CELF4: variants seen among roughly 807,000 people sequenced by gnomAD.
CELF4 encodes CUGBP Elav-like family member 4, also known as CUG-BP- and ETR-3-like factor 4.
A neutral mutation model predicts 59.9 loss-of-function variants in CELF4; 18 were observed. The observed-to-expected ratio is 0.30, with a 90% CI of 0.21 to 0.45. CELF4 has a LOEUF of 0.45. Ranked by LOEUF, CELF4 falls within the 20% of genes least tolerant of loss-of-function variation. The pLI, the probability that CELF4 is intolerant of heterozygous loss-of-function variation, is 1.00. For synonymous variants in CELF4, 261 were observed against 267.1 expected (o/e 0.98, Z 0.22); for missense variants, 456 against 689.0 (o/e 0.66, Z 3.79).
At chr18:37,525,143 C>T (rs1269036365) in intron 1 of CELF4, among the ~76,000 whole-genome samples, 1 of 152,134 alleles carries the variant, frequency 6.6e-6, no homozygotes, top group Non-Finnish European at 1.5e-5. Flanking sequence ...AGGGTGGCTC[C>T]GGTTCCCTAT....
chr18:37,271,534 G>A (rs940362322), intron 7 of CELF4, among the ~76,000 whole-genome samples: 1 of 152,136 alleles, frequency 6.6e-6, no homozygotes, highest in Non-Finnish European at 1.5e-5. Flanking sequence ...GGGATTACAG[G>A]CATGAGCCAC....
At chr18:37,366,927 C>T (rs1402021144) in intron 2 of CELF4, among the ~76,000 whole-genome samples, 1 of 152,146 alleles carries the variant, frequency 6.6e-6, no homozygotes, top group South Asian at 2.1e-4. Context: ...TTCTGGGTGG[C>T]CCCTTCTTGG....
chr18:37,507,938 C>T (rs905523962), intron 1 of CELF4, among the ~76,000 whole-genome samples: 14 of 152,310 alleles, frequency 9.2e-5, no homozygotes, highest in African/African-American at 3.4e-4. Flanking sequence ...CTACATTCCT[C>T]CCCCTTCATC....
At chr18:37,340,021 G>T (rs148781818) in intron 2 of CELF4, among the ~76,000 whole-genome samples, 2 of 152,196 alleles carry the variant, frequency 1.3e-5, no homozygotes, top group Non-Finnish European at 2.9e-5. Flanking sequence ...GCACGGCTGC[G>T]TTAAGCCCTT....
intron 2 of CELF4, among the ~76,000 whole-genome samples, chr18:37,365,361 G>A (rs1334913781): frequency 3.3e-5 from 5 of 152,012 alleles, no homozygotes; most frequent in African/African-American, 9.7e-5. Flanking sequence ...AACCTCATTC[G>A]AAGGGAGAAG....
In CELF4 at chr18:37,254,080, C is replaced by T. The variant is rs2067427193; in HGVS notation, c.1334-142G>A. 2.0e-6 allele frequency: 1 copy of T among 506,688 alleles called. No individual in the cohort carries two copies. The highest frequency in any genetic ancestry group is 2.8e-6 in the Non-Finnish European group (1 of 352,142). 31.4% of individuals were successfully genotyped at this position (506,688 alleles called of 1,614,324 possible). On this transcript the variant is annotated intron_variant, in intron 11 of 12. Transcript: ENST00000420428. This position sits in a 1 kb window ranked among gnomAD's most constrained non-coding sequence, Gnocchi z 5.1. ...CCCCGCCCCCGGCCCCGCCCCGGTG[C>T]CCGCCCCTCTCCAGCCCGCGCGCGC...
intron 2 of CELF4, among the ~76,000 whole-genome samples, chr18:37,361,887 G>A (rs936639471): frequency 2.0e-5 from 3 of 152,158 alleles, no homozygotes; most frequent in Non-Finnish European, 4.4e-5. Context: ...CCTTCCCAGC[G>A]CTTGAGAGCA....
intron 1 of CELF4, among the ~76,000 whole-genome samples, chr18:37,526,551 C>T (rs1368612737): frequency 1.3e-5 from 2 of 152,088 alleles, no homozygotes; most frequent in Non-Finnish European, 2.9e-5. Flanking sequence ...AGGTGGGTGA[C>T]CTGGGGTAGA....
chr18:37,472,364 C>T (rs2099835665), intron 2 of CELF4, among the ~76,000 whole-genome samples: 1 of 152,236 alleles, frequency 6.6e-6, no homozygotes, highest in African/African-American at 2.4e-5. Context: ...TGCTGCTACG[C>T]ATCCTGCGTT....
At chr18:37,422,547 G>A (rs1344065082) in intron 2 of CELF4, among the ~76,000 whole-genome samples, 1 of 152,190 alleles carries the variant, frequency 6.6e-6, no homozygotes, top group Non-Finnish European at 1.5e-5. Flanking sequence ...CTGGAGGAGG[G>A]AGCAGCTGTA....
chr18:37,271,890 G>C (rs2091456734), intron 7 of CELF4, among the ~76,000 whole-genome samples: 1 of 152,196 alleles, frequency 6.6e-6, no homozygotes, highest in Non-Finnish European at 1.5e-5. Context: ...TGGATATTAT[G>C]GTGATTGTAC....
chr18:37,273,112 G>A lies in CELF4; in HGVS notation c.853C>T (p.Leu285=), dbSNP rs756309157. 6.2e-7 allele frequency: 1 copy of A among 1,613,500 alleles called. No homozygotes were observed. The highest frequency in any genetic ancestry group is 1.3e-5 in the African/African-American group (1 of 74,948). Residue 285 remains leucine, a synonymous_variant, in exon 7 of 13, where the codon CTG becomes TTG. Coordinates refer to ENST00000420428, the MANE Select transcript of CELF4 (RefSeq NM_020180.4). ...GCAGCGAAGGCAGCCATGGGGTTCAGGTAGCCGCCCTGCGCGACTGATGCC... is the reference window on the plus strand; with the variant it reads ...GCAGCGAAGGCAGCCATGGGGTTCAAGTAGCCGCCCTGCGCGACTGATGCC... ...LMASVAQGGY[L]NPMAAFAAAQ... is the part of the protein sequence containing the mutation.
intron 1 of CELF4, among the ~76,000 whole-genome samples, chr18:37,523,200 A>C (rs2099959569): frequency 1.3e-5 from 2 of 152,158 alleles, no homozygotes; most frequent in Admixed American, 6.5e-5. Context: ...AGGAACAGAC[A>C]GCGGGACCAC....
chr18:37,472,270 C>A (rs1375073494), intron 2 of CELF4, among the ~76,000 whole-genome samples: 1 of 152,256 alleles, frequency 6.6e-6, no homozygotes, highest in Admixed American at 6.5e-5. Flanking sequence ...CTGCCACTCT[C>A]ACAGTGGTTT....
rs2099879408 is a variant in CELF4, at chr18:37,485,542, G to T, written c.352C>A (p.Gln118Lys). ...CCACTTACCCCGGGCAGAGTCTTCT[G>T]CTCGTGCAGCGCGCTCTGGGCCTTC... The part of the protein sequence containing the change: ...ALKAQSALHE[Q>K]KTLPGMNRPI... Residue 118 changes from glutamine (Q) to lysine (K), a missense_variant, in exon 2 of 13, where the codon CAG becomes AAG. Gln to Lys is a moderately conservative substitution (Grantham distance 53). Transcript: ENST00000420428. The T allele has an allele frequency of 7.1e-7, 1 of 1,414,740 alleles. No homozygotes were observed. The highest frequency in any genetic ancestry group is 2.9e-5 in the East Asian group (1 of 33,998). 87.6% of individuals were successfully genotyped at this position (1,414,740 alleles called of 1,614,324 possible).
intron 1 of CELF4, among the ~76,000 whole-genome samples, chr18:37,512,974 T>G (rs928612021): frequency 6.6e-6 from 1 of 152,062 alleles, no homozygotes; most frequent in Non-Finnish European, 1.5e-5. Flanking sequence ...AGCTGGAGAA[T>G]GGGAATTTTG....
chr18:37,357,130 G>A (rs1008816372), intron 2 of CELF4, among the ~76,000 whole-genome samples: 5 of 152,192 alleles, frequency 3.3e-5, no homozygotes, highest in Admixed American at 6.5e-5. Flanking sequence ...CTTGGAAGAG[G>A]GTCTAGCAGC....
intron 2 of CELF4, among the ~76,000 whole-genome samples, chr18:37,460,612 G>A (rs991890731): frequency 6.6e-5 from 10 of 152,164 alleles, no homozygotes; most frequent in Admixed American, 6.5e-5. Flanking sequence ...TTGTCCACAG[G>A]GCCCCAAGGT....
chr18:37,512,028 C>A (rs1466457218), intron 1 of CELF4, among the ~76,000 whole-genome samples: 1 of 152,156 alleles, frequency 6.6e-6, no homozygotes, highest in African/African-American at 2.4e-5. Flanking sequence ...ACAGAAAAAA[C>A]CGTACACAAC....
Sources: allele counts gnomAD v4.1 joint callset (sites outside exome capture counted in the v4.1 genomes callset), GRCh38; gene constraint gnomAD v4.1.1; non-coding constraint Gnocchi (gnomAD v3.1); transcripts MANE v1.5; gene names NCBI Gene and HGNC (gene_info 2026-07-23, HGNC 2026-07-21).